Variants in PTPRN2 observed in about 807,000 individuals in gnomAD.
PTPRN2 encodes the protein protein tyrosine phosphatase receptor type N2.
In PTPRN2, 74 loss-of-function variants were observed where a neutral mutation model predicts 118.8. That is an observed-to-expected ratio of 0.62 (90% CI 0.52 to 0.76). The LOEUF is 0.76. Among genes scored for constraint, PTPRN2 ranks in the 30% least tolerant of loss-of-function variants. PTPRN2 has a pLI of 0.00. For synonymous variants in PTPRN2, 641 were observed against 608.0 expected, an observed-to-expected ratio of 1.05 and a Z score of -0.80; for missense variants, 1,481 against 1,394.4, an observed-to-expected ratio of 1.06 and a Z score of -0.99.
intron 9 of PTPRN2, among the ~76,000 whole-genome samples, chr7:158,116,165 C>G (rs997978499): frequency 2.0e-5 from 3 of 152,094 alleles, no homozygotes; most frequent in African/African-American, 7.2e-5. Context: ...TGAATGAACA[C>G]GAGAATGTCA....
chr7:158,499,792 T>C (rs1822216756), intron 1 of PTPRN2, among the ~76,000 whole-genome samples: 1 of 144,884 alleles, frequency 6.9e-6, no homozygotes, highest in Non-Finnish European at 1.5e-5. Context: ...TGTATGTGTG[T>C]GTGTGTGTGT....
chr7:157,697,644 A>C (rs553562292), intron 12 of PTPRN2, among the ~76,000 whole-genome samples: 13 of 147,770 alleles, frequency 8.8e-5, no homozygotes, highest in African/African-American at 2.8e-4. Context: ...CTACCCATGC[A>C]TACTGGATCT....
chr7:157,886,606 A>C (rs1439069039), intron 12 of PTPRN2, among the ~76,000 whole-genome samples: 1 of 152,256 alleles, frequency 6.6e-6, no homozygotes, highest in African/African-American at 2.4e-5. Context: ...GGAGGAAAAG[A>C]TGTTGTTTCA....
intron 9 of PTPRN2, among the ~76,000 whole-genome samples, chr7:158,122,291 G>A (rs768473494): frequency 6.6e-6 from 1 of 152,130 alleles, no homozygotes; most frequent in East Asian, 1.9e-4. Flanking sequence ...GCTCAACCAC[G>A]TTGGACAAGC....
rs1297564789 is a variant in PTPRN2 at position 158,574,912 on chromosome 7, T to TA, written c.112+12645_112+12646insT. Reference sequence around the variant, plus strand: ...TCCCAGCAGCAGAGGTGAGAGCCACTGATTTACACGGCAGAACTGGCCACC... The same window carrying TA: ...TCCCAGCAGCAGAGGTGAGAGCCACTAGATTTACACGGCAGAACTGGCCACC... On this transcript the variant is annotated intron_variant, in intron 1 of 22. Coordinates refer to ENST00000389418, the MANE Select transcript of PTPRN2 (RefSeq NM_002847.5). This position sits in a 1 kb window ranked among gnomAD's most constrained non-coding sequence, Gnocchi z 4.6. Among the ~76,000 whole-genome samples, 1,531 of 152,340 alleles carry TA rather than the reference T, an allele frequency of 0.01. 22 individuals are homozygous for TA. The highest frequency in any genetic ancestry group is 0.035 in the African/African-American group (1,454 of 41,566).
chr7:158,503,892 T>A (rs186388955), intron 1 of PTPRN2, among the ~76,000 whole-genome samples: 1 of 151,942 alleles, frequency 6.6e-6, no homozygotes, highest in South Asian at 2.1e-4. Flanking sequence ...TCCCAGCTAC[T>A]TGGGGGGCCA....
At chr7:158,413,070 C>G (rs1222611876) in intron 2 of PTPRN2, among the ~76,000 whole-genome samples, 1 of 150,034 alleles carries the variant, frequency 6.7e-6, no homozygotes, top group African/African-American at 2.4e-5. Context: ...GCTCCAGGGC[C>G]CGTCTCAGCG....
At chr7:158,534,797 G>A (rs1413894456) in intron 1 of PTPRN2, among the ~76,000 whole-genome samples, 1 of 151,654 alleles carries the variant, frequency 6.6e-6, no homozygotes, top group Non-Finnish European at 1.5e-5. Flanking sequence ...GCTCCAGGCA[G>A]CTCATCGACA....
Position 158,125,916 on chromosome 7 carries a change from G to C in PTPRN2, c.1556+7761C>G, listed in dbSNP as rs150566548. On this transcript the variant is annotated intron_variant, in intron 9 of 22. Coordinates refer to ENST00000389418, the MANE Select transcript of PTPRN2 (RefSeq NM_002847.5). Reference sequence around the variant, plus strand: ...GTCCTGGCACCCTGCTGGTTCTCGTGATGCGCTCTTCTCGCTGAACCCCTG... The same window carrying C: ...GTCCTGGCACCCTGCTGGTTCTCGTCATGCGCTCTTCTCGCTGAACCCCTG... 3.5e-3 allele frequency among the ~76,000 whole-genome samples: 535 copies of C among 152,310 alleles called. 3 individuals are homozygous for C. Among genetic ancestry groups the C allele is most frequent in the African/African-American group, 0.013 (523 of 41,570 alleles).
At chr7:158,315,570 G>A (rs1390823305) in intron 3 of PTPRN2, among the ~76,000 whole-genome samples, 1 of 152,234 alleles carries the variant, frequency 6.6e-6, no homozygotes, top group Non-Finnish European at 1.5e-5. Context: ...GAACAGAGGT[G>A]ATTGGAAACC....
intron 3 of PTPRN2, among the ~76,000 whole-genome samples, chr7:158,315,144 G>T (rs1802202952): frequency 9.3e-6 from 1 of 107,630 alleles, no homozygotes; most frequent in Non-Finnish European, 2.0e-5. Flanking sequence ...GGTGAACCCG[G>T]GACCCCCTGA....
At chr7:158,498,891 A>G (rs1822153109) in intron 1 of PTPRN2, among the ~76,000 whole-genome samples, 1 of 152,248 alleles carries the variant, frequency 6.6e-6, no homozygotes, top group South Asian at 2.1e-4. Context: ...GAAGAAAGGT[A>G]GATGTATTGC....
chr7:158,140,612 CAGA>C (rs1039021654), intron 6 of PTPRN2, among the ~76,000 whole-genome samples: 10 of 152,320 alleles, frequency 6.6e-5, no homozygotes, highest in African/African-American at 2.4e-4. Context: ...ATCCTGTTAA[CAGA>C]AGATGAAGTT....
chr7:157,549,102 C>A (rs777857800), intron 21 of PTPRN2, 83 bp from the exon 22 acceptor site: 92 of 1,364,530 alleles, frequency 6.7e-5, no homozygotes, highest in Non-Finnish European at 9.4e-5. Context: ...AGCCACGTTC[C>A]CTCTGGGCTG....
At chr7:158,537,984 T>C (rs569640222) in intron 1 of PTPRN2, among the ~76,000 whole-genome samples, 169 of 152,372 alleles carry the variant, frequency 1.1e-3, no homozygotes, top group Admixed American at 1.8e-3. Context: ...GCCATCACTT[T>C]AGAGCTGGTG....
At chr7:157,885,759 A>C (rs1796417357) in intron 12 of PTPRN2, among the ~76,000 whole-genome samples, 1 of 152,272 alleles carries the variant, frequency 6.6e-6, no homozygotes, top group African/African-American at 2.4e-5. Flanking sequence ...AAAGGAACTT[A>C]ATTTGATGTG....
In PTPRN2 at chr7:157,889,915, CT is replaced by C. The variant is rs552905609; in HGVS notation, c.1788+8757del. On this transcript the variant is annotated intron_variant, in intron 12 of 22. Transcript: ENST00000389418. ...CCATAAGAGCTGCTCTCTTATTCAC[CT>C]GTTACGTACATGGGCTTCTAACATC... Among the ~76,000 whole-genome samples, 6 of 152,364 alleles carry C rather than the reference CT, an allele frequency of 3.9e-5. No homozygotes were observed. In the South Asian group the frequency reaches 1.2e-3, roughly 32 times the overall value.
In PTPRN2 at chr7:157,787,646, C is replaced by T. The variant is rs79240139; in HGVS notation, c.1789-104709G>A. Among the ~76,000 whole-genome samples the T allele has an allele frequency of 0.011, 1,638 of 152,182 alleles. 56 individuals carry two copies. The South Asian group carries it at 0.12, about 12-fold the overall frequency. On this transcript the variant is annotated intron_variant, in intron 12 of 22. Transcript: ENST00000389418. This position sits in a 1 kb window ranked among gnomAD's most constrained non-coding sequence, Gnocchi z 5.3. ...ACAAGGACATGCATTTCACACTGAC[C>T]GGGGCCTCCCTGGGACACCCTGAAC...
chr7:157,774,522 G>A (rs970859123), intron 12 of PTPRN2, among the ~76,000 whole-genome samples: 1 of 152,234 alleles, frequency 6.6e-6, no homozygotes, highest in Non-Finnish European at 1.5e-5. Context: ...AAAATGGTAA[G>A]CCCCCCATCT....
Sources: allele counts gnomAD v4.1 joint callset (sites outside exome capture counted in the v4.1 genomes callset), GRCh38; gene constraint gnomAD v4.1.1; non-coding constraint Gnocchi (gnomAD v3.1); transcripts MANE v1.5; gene names NCBI Gene and HGNC (gene_info 2026-07-23, HGNC 2026-07-21).